Variants in CES1 observed in about 807,000 individuals in gnomAD.
CES1 encodes the protein liver carboxylesterase 1.
In CES1, 50 loss-of-function variants were observed where a neutral mutation model predicts 53.0. The observed-to-expected ratio is 0.94, with a 90% CI of 0.75 to 1.19. The LOEUF is 1.19. Among genes scored for constraint, CES1 ranks in the 50% most tolerant of loss-of-function variants. The pLI is 0.00. For missense variants in CES1, 534 were observed against 538.0 expected (o/e 0.99, Z 0.07); for synonymous variants, 202 against 210.1 (o/e 0.96, Z 0.33).
intron 2 of CES1, among the ~76,000 whole-genome samples, chr16:55,826,976 T>C (rs183936383): frequency 6.6e-6 from 1 of 152,176 alleles, no homozygotes; most frequent in African/African-American, 2.4e-5. Context: ...GGTTCTATTA[T>C]CTCCATTTTA....
chr16:55,820,361 C>T lies in CES1; in HGVS notation c.801+11G>A, dbSNP rs374207113. ...GGTGTCCAGCCGGAGACGTACCAGCCGGAGACCTACCTCAGCCAAGGGCTT... is the reference window on the plus strand; with the variant it reads ...GGTGTCCAGCCGGAGACGTACCAGCTGGAGACCTACCTCAGCCAAGGGCTT... On this transcript the variant is annotated intron_variant, in intron 6 of 13. Transcript: ENST00000360526. The T allele has an allele frequency of 2.4e-4, 357 of 1,510,282 alleles. 3 individuals carry two copies. The African/African-American group carries it at 4.0e-3, about 17-fold the overall frequency. 93.6% of individuals were successfully genotyped at this position (1,510,282 alleles called of 1,614,324 possible).
chr16:55,818,181 C>A (rs2032029673), intron 7 of CES1, among the ~76,000 whole-genome samples: 1 of 152,208 alleles, frequency 6.6e-6, no homozygotes, highest in Admixed American at 6.5e-5. Context: ...TCTTCCCCCT[C>A]AAAGGGAATA....
intron 9 of CES1, among the ~76,000 whole-genome samples, chr16:55,811,402 G>C (rs2031693612): frequency 6.6e-6 from 1 of 152,176 alleles, no homozygotes; most frequent in African/African-American, 2.4e-5. Flanking sequence ...GACCTCCCTA[G>C]TACCCCCACC....
intron 2 of CES1, chr16:55,828,141 G>A (rs2032489548): frequency 5.9e-6 from 1 of 169,068 alleles, no homozygotes; most frequent in African/African-American, 2.4e-5. Flanking sequence ...GATGTCTGTA[G>A]GGTCCTTCCT....
intron 8 of CES1, among the ~76,000 whole-genome samples, chr16:55,813,280 A>T (rs2031786253): frequency 6.6e-6 from 1 of 152,232 alleles, no homozygotes; most frequent in Non-Finnish European, 1.5e-5. Context: ...ACTCATATTG[A>T]AATACATGTA....
intron 8 of CES1, among the ~76,000 whole-genome samples, chr16:55,815,635 A>G (rs2031909661): frequency 6.6e-6 from 1 of 152,070 alleles, no homozygotes; most frequent in Non-Finnish European, 1.5e-5. Flanking sequence ...CCTGTCAGCT[A>G]TTCCTTCAAA....
At chr16:55,814,688 G>C (rs1344962200) in intron 8 of CES1, among the ~76,000 whole-genome samples, 1 of 152,236 alleles carries the variant, frequency 6.6e-6, no homozygotes, top group African/African-American at 2.4e-5. Context: ...CCCATGGGCT[G>C]TATTTCCCTT....
chr16:55,829,107 A>T lies in CES1; in HGVS notation c.53-133T>A, dbSNP rs2032539498. 4 of 957,980 alleles carry T rather than the reference A, an allele frequency of 4.2e-6. No individual in the cohort carries two copies. The African/African-American group carries it at 5.0e-5, about 12-fold the overall frequency. 59.3% of individuals were successfully genotyped at this position (957,980 alleles called of 1,614,324 possible). A position where few individuals can be genotyped will look rare whatever the true frequency, so the allele number is the denominator to read the frequency against. On this transcript the variant is annotated intron_variant, in intron 1 of 13. Coordinates refer to ENST00000360526, the MANE Select transcript of CES1 (RefSeq NM_001025195.2). ...ACCCTCTAGGCCTCAGTTTCTCTTG[A>T]TGTACAATAGGGATGACGATCAATG...
At chr16:55,819,289 T>G (rs2032073421) in intron 7 of CES1, among the ~76,000 whole-genome samples, 1 of 152,216 alleles carries the variant, frequency 6.6e-6, no homozygotes, top group Non-Finnish European at 1.5e-5. Flanking sequence ...AAAACAAGAA[T>G]GGCAAAATAT....
intron 11 of CES1, among the ~76,000 whole-genome samples, chr16:55,809,143 G>A (rs2031572178): frequency 7.3e-6 from 1 of 136,602 alleles, no homozygotes; most frequent in African/African-American, 2.9e-5. Context: ...GAAACCAGAT[G>A]AAAAACATAA....
At chr16:55,825,109 C>T (rs2032365001) in intron 3 of CES1, among the ~76,000 whole-genome samples, 1 of 152,224 alleles carries the variant, frequency 6.6e-6, no homozygotes, top group Non-Finnish European at 1.5e-5. Context: ...GGAGTGGATT[C>T]ATGTTCCTCC....
intron 11 of CES1, among the ~76,000 whole-genome samples, chr16:55,810,255 C>A (rs2142312629): frequency 6.6e-6 from 1 of 152,264 alleles, no homozygotes; most frequent in Non-Finnish European, 1.5e-5. Context: ...CCATCTCTTT[C>A]CTCTCTCACT....
intron 6 of CES1, chr16:55,820,134 C>T (rs1407570669): frequency 3.4e-6 from 2 of 581,630 alleles, no homozygotes; most frequent in African/African-American, 3.8e-5. Context: ...CCAGCTCTGC[C>T]CTGATCACCT....
chr16:55,811,894 G>A (rs2031715093), intron 9 of CES1, among the ~76,000 whole-genome samples: 1 of 152,194 alleles, frequency 6.6e-6, no homozygotes, highest in Non-Finnish European at 1.5e-5. Context: ...TGACTTCAGT[G>A]GGTTCTTCCT....
At chr16:55,809,240 A>T (rs2031577194) in intron 11 of CES1, among the ~76,000 whole-genome samples, 1 of 152,198 alleles carries the variant, frequency 6.6e-6, no homozygotes, top group Non-Finnish European at 1.5e-5. Flanking sequence ...GGCAAGTTTA[A>T]GAAAGAACAG....
intron 11 of CES1, among the ~76,000 whole-genome samples, chr16:55,809,746 T>A (rs1469093736): frequency 6.6e-6 from 1 of 152,172 alleles, no homozygotes; most frequent in East Asian, 1.9e-4. Flanking sequence ...TCCTGGACAA[T>A]CCTCTGGATC....
At chr16:55,817,004 A>G (rs1178542517) in intron 7 of CES1, 42 bp from the exon 8 acceptor site, 2 of 1,610,688 alleles carry the variant, frequency 1.2e-6, no homozygotes, top group African/African-American at 1.3e-5. Flanking sequence ...GAGGCTTACC[A>G]GGAGAACACT....
chr16:55,821,458 C>T lies in CES1; in HGVS notation c.603G>A (p.Trp201Ter), dbSNP rs1405641342. 2.5e-6 allele frequency: 4 copies of T among 1,614,042 alleles called. No homozygotes were observed. In the Admixed American group the frequency reaches 6.7e-5, roughly 27 times the overall value. ...GHLDQVAALR[W>*]VQDNIASFGG... Reference sequence around the variant, plus strand: ...CAAAGCTGGCAATGTTGTCCTGGACCCAGCGCAGGGCAGCCACCTGGTCCA... The same window carrying T: ...CAAAGCTGGCAATGTTGTCCTGGACTCAGCGCAGGGCAGCCACCTGGTCCA... The change falls in exon 5 of 14, where the codon TGG becomes TGA. Residue 201 changes from tryptophan (W) to a stop codon, truncating the protein, a stop_gained. Transcript: ENST00000360526. LOFTEE classifies it high-confidence loss of function.
chr16:55,814,180 C>T (rs2031830995), intron 8 of CES1, among the ~76,000 whole-genome samples: 1 of 152,180 alleles, frequency 6.6e-6, no homozygotes. Flanking sequence ...GACATGATTC[C>T]CTACTAGAGA....
Sources: gnomAD v4.1 joint callset for allele counts (sites outside exome capture counted in the v4.1 genomes callset) on GRCh38, gnomAD v4.1.1 for gene constraint, MANE v1.5 for transcripts, NCBI Gene and HGNC (gene_info 2026-07-23, HGNC 2026-07-21) for gene names.